The following NRK variants were observed in gnomAD, a reference collection of about 807,000 sequenced individuals.
NRK encodes Nik related kinase.
A neutral mutation model predicts 125.2 loss-of-function variants in NRK; 67 were observed. The observed-to-expected ratio is 0.54, with a 90% CI of 0.44 to 0.66. NRK has a LOEUF of 0.66. Ranked by LOEUF, NRK falls within the 30% of genes least tolerant of loss-of-function variation. The probability of loss-of-function intolerance (pLI) is 0.00; values close to 1 mark genes in which losing one functional copy is unlikely to be tolerated. For missense variants in NRK, 1,224 were observed against 1,192.9 expected (o/e 1.03, Z -0.38); for synonymous variants, 458 against 429.0 (o/e 1.07, Z -0.84).
At chrX:105,948,581 TCTTTC>T (rs1216505338) in intron 26 of NRK, 2 of 456,515 alleles carry the variant, frequency 4.4e-6, no homozygotes, top group African/African-American at 4.9e-5. Flanking sequence ...AAGACAACCT[TCTTTC>T]CTGCAATTTC....
At position 105,906,628 on chromosome X, in the gene NRK, TCA is replaced by T. The variant is rs771866609; in HGVS notation, c.1021+40_1021+41del. 1.3e-5 allele frequency: 9 copies of T among 710,269 alleles called. No homozygotes were observed. In the African/African-American group the frequency reaches 2.0e-4, roughly 15 times the overall value. The allele number at this position is 710,269 out of a possible 1,213,427, so 58.5% of individuals were successfully genotyped here. A position where few individuals can be genotyped will look rare whatever the true frequency, so the allele number is the denominator to read the frequency against. ...AGTTTTATTTTACTGAAATGAATAT[TCA>T]GAGTTTATTCATGTATTGTTTCCAG... On this transcript the variant is annotated intron_variant, in intron 11 of 28. Coordinates refer to ENST00000243300, the MANE Select transcript of NRK (RefSeq NM_198465.4).
intron 19 of NRK, among the ~76,000 whole-genome samples, chrX:105,931,624 C>T (rs1401784145): frequency 9.0e-6 from 1 of 110,734 alleles, no homozygotes; most frequent in Non-Finnish European, 1.9e-5. Flanking sequence ...TCACTTCCCT[C>T]TCTTTGCTGC....
chrX:105,883,816 C>A (rs773123505), intron 4 of NRK, among the ~76,000 whole-genome samples: 2 of 112,806 alleles, frequency 1.8e-5, no homozygotes, highest in Non-Finnish European at 3.7e-5. Flanking sequence ...TTCCTCTCAG[C>A]AGAACCTTGG....
In NRK at chrX:105,909,075, C is replaced by T. The variant is rs1308029597; in HGVS notation, c.1434C>T (p.Leu478=). ...PPRLRRAARV[L]MPLQAQVRAP... is the part of the protein sequence containing the mutation. ...GACTACGGAGGGCAGCCAGGGTGCT[C>T]ATGCCACTACAGGCACAGGTTAGGG... Residue 478 remains leucine (L), a synonymous_variant, in exon 13 of 29, where the codon CTC becomes CTT. Transcript: ENST00000243300. The T allele has an allele frequency of 1.7e-5, 20 of 1,210,750 alleles. No homozygotes were observed. The highest frequency in any genetic ancestry group is 2.0e-5 in the Non-Finnish European group (18 of 894,594).
intron 2 of NRK, among the ~76,000 whole-genome samples, chrX:105,868,036 T>C (rs1490133271): frequency 9.0e-6 from 1 of 111,639 alleles, no homozygotes; most frequent in Non-Finnish European, 1.9e-5. Context: ...TTATTATCTA[T>C]ATTAAAAATT....
At chrX:105,849,118 T>G (rs1481000475) in intron 2 of NRK, among the ~76,000 whole-genome samples, 1 of 111,712 alleles carries the variant, frequency 9.0e-6, no homozygotes, top group Non-Finnish European at 1.9e-5. Flanking sequence ...GTGGTTTAAT[T>G]GGACTTACAG....
chrX:105,912,398 A>G (rs1376932282), intron 13 of NRK, among the ~76,000 whole-genome samples: 1 of 111,011 alleles, frequency 9.0e-6, no homozygotes, highest in Non-Finnish European at 1.9e-5. Flanking sequence ...AGGTATGTCT[A>G]TATGCAATTT....
intron 27 of NRK, 36 bp downstream of exon 27, chrX:105,949,770 G>C: frequency 1.0e-6 from 1 of 1,001,193 alleles, no homozygotes. Flanking sequence ...CAGGACCCCA[G>C]AGAAAATTTA....
chrX:105,847,442 A>C (rs980995497), intron 2 of NRK, among the ~76,000 whole-genome samples: 4 of 112,608 alleles, frequency 3.6e-5, no homozygotes, highest in African/African-American at 1.3e-4. Context: ...GATTCAATTA[A>C]ATTTTCTAGT....
intron 1 of NRK, among the ~76,000 whole-genome samples, chrX:105,823,966 C>T (rs955474500): frequency 4.5e-5 from 5 of 112,321 alleles, no homozygotes; most frequent in Non-Finnish European, 7.5e-5. Flanking sequence ...AGTCGATTGA[C>T]TTAATTTTAC....
intron 11 of NRK, 48 bp downstream of exon 11, chrX:105,906,637 A>G (rs1368367761): frequency 6.0e-6 from 4 of 672,066 alleles, no homozygotes; most frequent in Non-Finnish European, 8.5e-6. Flanking sequence ...TTCAGAGTTT[A>G]TTCATGTATT....
intron 2 of NRK, among the ~76,000 whole-genome samples, chrX:105,848,453 A>G (rs1428807202): frequency 2.7e-5 from 3 of 112,007 alleles, no homozygotes; most frequent in Non-Finnish European, 5.6e-5. Flanking sequence ...AATGGTGGTA[A>G]TTCTGATTGA....
In NRK at chrX:105,905,488, T is replaced by C. The variant is rs2040208861; in HGVS notation, c.845+145T>C. On this transcript the variant is annotated intron_variant, in intron 10 of 28. Coordinates refer to ENST00000243300, the MANE Select transcript of NRK (RefSeq NM_198465.4). ...AGTCTAATATCTTAACTGGGAGGTC[T>C]AAATGACCAGTTTTCATTAAGAGGT... 1.5e-5 allele frequency: 7 copies of C among 479,859 alleles called. No homozygotes were observed. The Admixed American group carries it at 1.9e-4, about 13-fold the overall frequency. 39.5% of individuals were successfully genotyped at this position (479,859 alleles called of 1,213,427 possible).
At chrX:105,845,352 G>T (rs62605024) in intron 2 of NRK, among the ~76,000 whole-genome samples, 3 of 110,901 alleles carry the variant, frequency 2.7e-5, no homozygotes, top group Non-Finnish European at 5.7e-5. Context: ...TATATTCCAG[G>T]GCCCTGATGA....
At chrX:105,833,615 G>T (rs2039224043) in intron 2 of NRK, among the ~76,000 whole-genome samples, 1 of 111,445 alleles carries the variant, frequency 9.0e-6, no homozygotes, top group African/African-American at 3.3e-5. Context: ...AACTGTGATG[G>T]CACCAAAAGA....
At chrX:105,925,175 G>C in intron 19 of NRK, 144 bp downstream of exon 19, 1 of 451,925 alleles carries the variant, frequency 2.2e-6, no homozygotes, top group Non-Finnish European at 3.7e-6. Context: ...AGGTTTGTAG[G>C]TGGATCCTTA....
intron 2 of NRK, among the ~76,000 whole-genome samples, chrX:105,859,100 T>C (rs1231173858): frequency 8.9e-6 from 1 of 111,894 alleles, no homozygotes; most frequent in Non-Finnish European, 1.9e-5. Flanking sequence ...TATTATTTTC[T>C]AAATATTTTA....
rs1246869551 is a variant in NRK, at chrX:105,923,462, T to C, written c.2955T>C (p.Tyr985=). The C allele has an allele frequency of 8.8e-7, 1 of 1,135,945 alleles. No homozygotes were observed. The highest frequency in any genetic ancestry group is 1.8e-5 in the African/African-American group (1 of 54,754). The allele number at this position is 1,135,945 out of a possible 1,213,427, so 93.6% of individuals were successfully genotyped here. A position where few individuals can be genotyped will look rare whatever the true frequency, so the allele number is the denominator to read the frequency against. ...KFVDDVNNNY[Y]EAPSCPRASY... ...TTGATGATGTAAATAATAATTATTA[T>C]GAGGCGCCTAGTTGTCCAAGGTTGG... is the stretch of plus-strand genomic sequence containing the variant. Residue 985 remains tyrosine, a synonymous_variant, in exon 18 of 29, where the codon TAT becomes TAC. Transcript: ENST00000243300.
In NRK at chrX:105,957,994, AG is replaced by A. The variant is rs1228716646; in HGVS notation, c.*2400del. ...GCCCCAGCCCGTCACAGAAGTGTGGAGGGGGGCTCCTGACTAGACAATTTCC... is the reference window on the plus strand; with the variant it reads ...GCCCCAGCCCGTCACAGAAGTGTGGAGGGGGCTCCTGACTAGACAATTTCC... On this transcript the variant is annotated 3_prime_UTR_variant, in exon 29 of 29. Coordinates refer to ENST00000243300, the MANE Select transcript of NRK (RefSeq NM_198465.4). The A allele has an allele frequency of 8.9e-6, 1 of 112,218 alleles. No homozygotes were observed. The allele number at this position is 112,218 out of a possible 1,213,427, so 9.2% of individuals were successfully genotyped here.
Sources: allele counts gnomAD v4.1 joint callset (sites outside exome capture counted in the v4.1 genomes callset), GRCh38; gene constraint gnomAD v4.1.1; transcripts MANE v1.5; gene names NCBI Gene and HGNC (gene_info 2026-07-23, HGNC 2026-07-21).